SGCZ: variants seen among roughly 807,000 people sequenced by gnomAD.
SGCZ encodes the protein zeta-sarcoglycan.
Under a neutral mutation model 41.3 loss-of-function variants are expected in SGCZ, and 40 were observed. That is an observed-to-expected ratio of 0.97 (90% CI 0.75 to 1.26). The LOEUF is 1.26. Ranked by LOEUF, SGCZ falls within the 50% of genes most tolerant of loss-of-function variation. The pLI is 0.00. For missense variants in SGCZ, 552 were observed against 369.8 expected (o/e 1.49, Z -4.04); for synonymous variants, 206 against 137.5 (o/e 1.50, Z -3.49).
At chr8:14,270,251 G>C (rs1417153231) in intron 3 of SGCZ, among the ~76,000 whole-genome samples, 1 of 152,110 alleles carries the variant, frequency 6.6e-6, no homozygotes, top group Non-Finnish European at 1.5e-5. Context: ...AGAATCACTA[G>C]AACCTGGGAG....
At chr8:14,822,217 C>T (rs908723303) in intron 1 of SGCZ, among the ~76,000 whole-genome samples, 4 of 151,450 alleles carry the variant, frequency 2.6e-5, no homozygotes, top group Non-Finnish European at 5.9e-5. Context: ...AAGAAGAAAT[C>T]AACAAAACAA....
intron 1 of SGCZ, among the ~76,000 whole-genome samples, chr8:14,919,311 T>C (rs1799523746): frequency 6.6e-6 from 1 of 152,018 alleles, no homozygotes; most frequent in Non-Finnish European, 1.5e-5. Flanking sequence ...TGTCGTGGCA[T>C]GTGCCTATAA....
At chr8:15,215,497 C>G (rs1297696948) in intron 1 of SGCZ, among the ~76,000 whole-genome samples, 1 of 152,210 alleles carries the variant, frequency 6.6e-6, no homozygotes, top group Non-Finnish European at 1.5e-5. Context: ...CTACATCTGT[C>G]TATCTAGCAA....
At chr8:14,824,998 A>G (rs181168252) in intron 1 of SGCZ, among the ~76,000 whole-genome samples, 125 of 152,230 alleles carry the variant, frequency 8.2e-4, no homozygotes, top group African/African-American at 2.9e-3. Context: ...CTAAATTAGC[A>G]GAGTCCCAAA....
chr8:14,619,869 G>T (rs1806226309), intron 1 of SGCZ, among the ~76,000 whole-genome samples: 2 of 152,084 alleles, frequency 1.3e-5, no homozygotes, highest in African/African-American at 4.8e-5. Context: ...TACTGCCCAA[G>T]GTAATTTATA....
At chr8:14,978,372 G>A (rs1430878965) in intron 1 of SGCZ, among the ~76,000 whole-genome samples, 2 of 123,452 alleles carry the variant, frequency 1.6e-5, no homozygotes, top group Non-Finnish European at 3.2e-5. Context: ...TTGGGAGGCT[G>A]AGGCAGGAGA....
chr8:14,772,424 T>C (rs1800270290), intron 1 of SGCZ, among the ~76,000 whole-genome samples: 1 of 149,862 alleles, frequency 6.7e-6, no homozygotes, highest in Non-Finnish European at 1.5e-5. Context: ...CTCTTAGTAT[T>C]TCTTTTTTTT....
At chr8:14,661,613 A>G (rs529622540) in intron 1 of SGCZ, among the ~76,000 whole-genome samples, 6 of 152,276 alleles carry the variant, frequency 3.9e-5, no homozygotes, top group Non-Finnish European at 8.8e-5. Flanking sequence ...AACATAAATC[A>G]GTAGCATTTG....
chr8:14,490,392 C>A (rs1308728062), intron 2 of SGCZ, among the ~76,000 whole-genome samples: 1 of 152,084 alleles, frequency 6.6e-6, no homozygotes, highest in Non-Finnish European at 1.5e-5. Context: ...GAAATATGGA[C>A]TTTCTTTGAA....
intron 1 of SGCZ, among the ~76,000 whole-genome samples, chr8:14,561,369 C>A (rs1344155561): frequency 1.3e-5 from 2 of 152,102 alleles, no homozygotes; most frequent in African/African-American, 4.8e-5. Context: ...TTTCTCAGAA[C>A]AGTTAAGTGG....
chr8:14,815,069 T>C (rs1458619863), intron 1 of SGCZ, among the ~76,000 whole-genome samples: 3 of 152,330 alleles, frequency 2.0e-5, no homozygotes, highest in African/African-American at 4.8e-5. Context: ...ACTTTATTTA[T>C]TGGAGCAATT....
In SGCZ at chr8:14,088,048, C is replaced by T. The variant is rs896945522; in HGVS notation, c.*2395G>A. ...AAATGTGTCAGTCCCTCACTGGAAT[C>T]GGTTTTTACATCTTTTTTTCTCACT... On this transcript the variant is annotated 3_prime_UTR_variant, in exon 8 of 8. Transcript: ENST00000382080. Among the ~76,000 whole-genome samples the T allele has an allele frequency of 2.6e-5, 4 of 151,724 alleles. No homozygotes were observed. The highest frequency in any genetic ancestry group is 1.9e-4 in the East Asian group (1 of 5,142).
chr8:14,485,201 T>C (rs1446764957), intron 2 of SGCZ, among the ~76,000 whole-genome samples: 2 of 152,150 alleles, frequency 1.3e-5, no homozygotes, highest in Non-Finnish European at 2.9e-5. Flanking sequence ...CTACATTTCC[T>C]ATCAGTATTC....
chr8:15,228,475 C>G (rs1801844065), intron 1 of SGCZ, among the ~76,000 whole-genome samples: 1 of 152,142 alleles, frequency 6.6e-6, no homozygotes, highest in African/African-American at 2.4e-5. Context: ...TCTCTGCTGC[C>G]TAGAACAAGC....
intron 1 of SGCZ, among the ~76,000 whole-genome samples, chr8:14,706,341 G>A (rs1396081947): frequency 6.6e-6 from 1 of 152,000 alleles, no homozygotes; most frequent in African/African-American, 2.4e-5. Context: ...TGTGTTTTAT[G>A]TGAAATCTCT....
intron 3 of SGCZ, among the ~76,000 whole-genome samples, chr8:14,302,802 C>G (rs527617744): frequency 6.6e-6 from 1 of 152,148 alleles, no homozygotes; most frequent in African/African-American, 2.4e-5. Flanking sequence ...CTGGACAAAA[C>G]TACCAGATAC....
At chr8:14,438,051 C>T (rs574853494) in intron 2 of SGCZ, among the ~76,000 whole-genome samples, 8 of 151,710 alleles carry the variant, frequency 5.3e-5, no homozygotes, top group South Asian at 4.2e-4. Flanking sequence ...CAAATGGTTA[C>T]GCATGGTAAA....
At chr8:14,883,405 T>C (rs1353114443) in intron 1 of SGCZ, among the ~76,000 whole-genome samples, 1 of 152,130 alleles carries the variant, frequency 6.6e-6, no homozygotes, top group Non-Finnish European at 1.5e-5. Flanking sequence ...ACTTGTGCTT[T>C]AGCCATATTC....
chr8:15,170,365 T>TA (rs67973474), intron 1 of SGCZ, among the ~76,000 whole-genome samples: 22 of 151,880 alleles, frequency 1.4e-4, no homozygotes, highest in East Asian at 3.9e-4. Flanking sequence ...CCCAAAGATA[T>TA]AAAAAAAAAA....
Sources: allele counts gnomAD v4.1 joint callset (sites outside exome capture counted in the v4.1 genomes callset), GRCh38; gene constraint gnomAD v4.1.1; transcripts MANE v1.5; gene names NCBI Gene and HGNC (gene_info 2026-07-23, HGNC 2026-07-21).